SYNPO2: variants seen among roughly 807,000 people sequenced by gnomAD.
SYNPO2 encodes the protein synaptopodin 2.
Under a neutral mutation model 85.0 loss-of-function variants are expected in SYNPO2, and 56 were observed. The ratio of observed to expected loss-of-function variants is 0.66; its 90% confidence interval spans 0.53 to 0.82. The LOEUF is 0.82. Among genes scored for constraint, SYNPO2 ranks in the 40% least tolerant of loss-of-function variants. The pLI is 0.00. For missense variants in SYNPO2, 1,575 were observed against 1,534.2 expected, an observed-to-expected ratio of 1.03 and a Z score of -0.44; for synonymous variants, 602 against 591.1, an observed-to-expected ratio of 1.02 and a Z score of -0.27.
intron 1 of SYNPO2, among the ~76,000 whole-genome samples, chr4:118,981,637 G>A (rs578080494): frequency 6.6e-6 from 1 of 152,214 alleles, no homozygotes; most frequent in Non-Finnish European, 1.5e-5. Flanking sequence ...AGGAGCTGAG[G>A]ATTGGCCCCA....
At chr4:118,888,205 C>A (rs934832336), upstream of SYNPO2, among the ~76,000 whole-genome samples, 2 of 152,182 alleles carry the variant, frequency 1.3e-5, no homozygotes, top group Admixed American at 1.3e-4. Flanking sequence ...ATACCCAAAA[C>A]TATGCAATAG....
intron 4 of SYNPO2, among the ~76,000 whole-genome samples, chr4:119,041,844 C>T (rs1370272253): frequency 3.9e-5 from 6 of 152,150 alleles, no homozygotes; most frequent in Non-Finnish European, 5.9e-5. Flanking sequence ...ATAGCCCCAC[C>T]TTAGAGATTC....
chr4:118,967,181 G>A (rs575012895), intron 1 of SYNPO2, among the ~76,000 whole-genome samples: 23 of 152,206 alleles, frequency 1.5e-4, no homozygotes, highest in African/African-American at 5.3e-4. Context: ...TTAATTTCAA[G>A]CCCATTTTAG....
At chr4:118,900,723 A>G (rs1274663970) in intron 1 of SYNPO2, among the ~76,000 whole-genome samples, 12 of 113,256 alleles carry the variant, frequency 1.1e-4, no homozygotes, top group South Asian at 6.4e-4. Flanking sequence ...ATATATATAT[A>G]TATATATATG....
At chr4:118,989,260 A>ATGT (rs1472111010) in intron 1 of SYNPO2, among the ~76,000 whole-genome samples, 1 of 152,130 alleles carries the variant, frequency 6.6e-6, no homozygotes, top group Non-Finnish European at 1.5e-5. Context: ...TGCCTGTGGG[A>ATGT]TGTTGTGCCC....
intron 1 of SYNPO2, among the ~76,000 whole-genome samples, chr4:118,983,411 T>C (rs531600938): frequency 2.0e-5 from 3 of 152,254 alleles, no homozygotes; most frequent in African/African-American, 7.2e-5. Flanking sequence ...CCTTGCATTA[T>C]TTTCTCCGGA....
chr4:118,933,445 A>G (rs1733994930), intron 1 of SYNPO2, among the ~76,000 whole-genome samples: 2 of 152,214 alleles, frequency 1.3e-5, no homozygotes, highest in South Asian at 2.1e-4. Flanking sequence ...CAGCATATCA[A>G]TTGGCCACAA....
chr4:118,940,946 G>A (rs1734293166), intron 1 of SYNPO2, among the ~76,000 whole-genome samples: 1 of 152,120 alleles, frequency 6.6e-6, no homozygotes. Flanking sequence ...CCCTCTTTCA[G>A]GGTCATCTCA....
chr4:119,061,155 T>C lies in SYNPO2; in HGVS notation c.*3221T>C, dbSNP rs1327056028. The C allele has an allele frequency of 6.6e-6, 1 of 152,152 alleles. No homozygotes were observed. Among genetic ancestry groups the C allele is most frequent in the East Asian group, 1.9e-4 (1 of 5,200 alleles). The allele number at this position is 152,152 out of a possible 1,614,324, so 9.4% of individuals were successfully genotyped here. A position where few individuals can be genotyped will look rare whatever the true frequency, so the allele number is the denominator to read the frequency against. On this transcript the variant is annotated 3_prime_UTR_variant, in exon 5 of 5. Coordinates refer to ENST00000307142, the MANE Select transcript of SYNPO2 (RefSeq NM_133477.3). ...TGTTCTCTTGTTAAATAGATTAACATTTCCACTTCTGTTTATCACAAAAGA... is the reference window on the plus strand; with the variant it reads ...TGTTCTCTTGTTAAATAGATTAACACTTCCACTTCTGTTTATCACAAAAGA...
At chr4:119,028,659 A>C (rs1010986880) in intron 3 of SYNPO2, among the ~76,000 whole-genome samples, 2 of 152,116 alleles carry the variant, frequency 1.3e-5, no homozygotes, top group African/African-American at 2.4e-5. Context: ...ATCACCAGTA[A>C]ATGCCTGTAA....
intron 1 of SYNPO2, among the ~76,000 whole-genome samples, chr4:118,862,179 A>G (rs1256441172): frequency 1.3e-5 from 2 of 151,748 alleles, no homozygotes; most frequent in Non-Finnish European, 2.9e-5. Context: ...TTGTATGTTG[A>G]TTTTGTATCC....
In SYNPO2 at chr4:119,032,493, T is replaced by C. The variant is rs984243022; in HGVS notation, c.3252+466T>C. ...TCCCTTTTAGGTAGTGCCTTATCTC[T>C]ATTACTAGTGTTAAAGGAATAAGGA... On this transcript the variant is annotated intron_variant, in intron 4 of 4. Transcript: ENST00000307142. 2.8e-5 allele frequency: 29 copies of C among 1,023,332 alleles called. No individual in the cohort carries two copies. The East Asian group carries it at 2.4e-3, about 84-fold the overall frequency. 63.4% of individuals were successfully genotyped at this position (1,023,332 alleles called of 1,614,324 possible). A position where few individuals can be genotyped will look rare whatever the true frequency, so the allele number is the denominator to read the frequency against.
intron 1 of SYNPO2, among the ~76,000 whole-genome samples, chr4:118,929,158 T>G (rs1578559347): frequency 6.8e-6 from 1 of 147,568 alleles, no homozygotes. Context: ...GAAAGGTAAA[T>G]GGGAAAAAGG....
At chr4:118,954,589 G>T (rs537147380) in intron 1 of SYNPO2, among the ~76,000 whole-genome samples, 1 of 152,264 alleles carries the variant, frequency 6.6e-6, no homozygotes, top group African/African-American at 2.4e-5. Context: ...TGAGCCACAG[G>T]GGGAAAATAC....
chr4:119,013,688 G>A (rs981555300), intron 1 of SYNPO2, among the ~76,000 whole-genome samples: 4 of 152,220 alleles, frequency 2.6e-5, no homozygotes, highest in African/African-American at 9.6e-5. Context: ...TCTCTGATGA[G>A]ATCATTGGTG....
At chr4:118,940,029 G>A (rs372107933) in intron 1 of SYNPO2, among the ~76,000 whole-genome samples, 3 of 144,440 alleles carry the variant, frequency 2.1e-5, no homozygotes, top group East Asian at 2.0e-4. Context: ...CTCTGTCCCC[G>A]GGCTGGAGTG....
chr4:119,035,612 C>A (rs1277279238), intron 4 of SYNPO2: 1 of 985,116 alleles, frequency 1.0e-6, no homozygotes, highest in East Asian at 1.1e-4. Context: ...TTTGAATTAA[C>A]TGTTTTATTT....
At chr4:118,911,624 A>C (rs902429410) in intron 1 of SYNPO2, among the ~76,000 whole-genome samples, 2 of 152,202 alleles carry the variant, frequency 1.3e-5, no homozygotes, top group Non-Finnish European at 2.9e-5. Flanking sequence ...TGTAGTTTGC[A>C]TGAAGTCTCT....
chr4:119,036,301 A>G lies in SYNPO2; in HGVS notation c.3252+4274A>G, dbSNP rs72914815. The G allele has an allele frequency of 7.7e-3, 7,631 of 985,346 alleles. 189 individuals carry two copies. In the African/African-American group the frequency reaches 0.082, roughly 11 times the overall value. 61.0% of individuals were successfully genotyped at this position (985,346 alleles called of 1,614,324 possible). ...AGGGTTGTTGAGTTTGTTTTTAAAC[A>G]TTTTTATAAGTTCATGAGAAAAAAT... On this transcript the variant is annotated intron_variant, in intron 4 of 4. Coordinates refer to ENST00000307142, the MANE Select transcript of SYNPO2 (RefSeq NM_133477.3).
Sources: gnomAD v4.1 joint callset for allele counts (sites outside exome capture counted in the v4.1 genomes callset) on GRCh38, gnomAD v4.1.1 for gene constraint, MANE v1.5 for transcripts, NCBI Gene and HGNC (gene_info 2026-07-23, HGNC 2026-07-21) for gene names.